Variants in LAMA2 observed in about 807,000 individuals in gnomAD.
LAMA2 encodes laminin subunit alpha-2.
Under a neutral mutation model 364.8 loss-of-function variants are expected in LAMA2, and 269 were observed. The observed-to-expected ratio is 0.74, with a 90% CI of 0.67 to 0.82. The LOEUF is 0.82. Among genes scored for constraint, LAMA2 ranks in the 40% least tolerant of loss-of-function variants. LAMA2 has a pLI of 0.00. For missense variants in LAMA2, 3,807 were observed against 3,873.2 expected (o/e 0.98, Z 0.45); for synonymous variants, 1,379 against 1,370.6 (o/e 1.01, Z -0.14).
rs367757227 is a variant in LAMA2, at chr6:128,940,518, TAGTG to T, written c.112+57164_112+57167del. Among the ~76,000 whole-genome samples the T allele has an allele frequency of 6.4e-4, 97 of 152,312 alleles. 1 individual carries two copies. The South Asian group carries it at 0.018, about 28-fold the overall frequency. On this transcript the variant is annotated intron_variant, in intron 1 of 64. Transcript: ENST00000421865. ...AATATTTGTCGGAAGGAATAAATAT[TAGTG>T]AGAGAATAAATGGGTAATGCATTCA... is the stretch of plus-strand genomic sequence containing the variant.
chr6:129,184,759 G>A (rs1295182550), intron 10 of LAMA2, among the ~76,000 whole-genome samples: 1 of 151,782 alleles, frequency 6.6e-6, no homozygotes, highest in Non-Finnish European at 1.5e-5. Flanking sequence ...CTTTACTAAG[G>A]TTGCTTTTTC....
chr6:129,445,055 C>A (rs774849619), intron 44 of LAMA2, among the ~76,000 whole-genome samples: 1 of 152,026 alleles, frequency 6.6e-6, no homozygotes, highest in Non-Finnish European at 1.5e-5. Flanking sequence ...ATAGGTCAAC[C>A]TAATATGTAA....
At chr6:129,320,501 T>C (rs377296050) in intron 27 of LAMA2, 37 bp from the exon 28 acceptor site, 7 of 1,194,698 alleles carry the variant, frequency 5.9e-6, no homozygotes, top group African/African-American at 4.5e-5. Context: ...CTTAACTGAC[T>C]GTCATAGTAA....
intron 3 of LAMA2, among the ~76,000 whole-genome samples, chr6:129,070,795 G>T (rs78640489): frequency 0.08 from 12,209 of 152,060 alleles, 678 homozygotes; most frequent in Non-Finnish European, 0.12. Flanking sequence ...GTCTAGTTTG[G>T]CAGTGTTGGT....
At chr6:129,427,276 C>A (rs747223249) in intron 40 of LAMA2, among the ~76,000 whole-genome samples, 1 of 152,076 alleles carries the variant, frequency 6.6e-6, no homozygotes, top group African/African-American at 2.4e-5. Flanking sequence ...GGAAATGCTC[C>A]CCTCTCAGTC....
intron 49 of LAMA2, among the ~76,000 whole-genome samples, chr6:129,461,144 C>T (rs531833064): frequency 3.2e-4 from 48 of 152,108 alleles, no homozygotes; most frequent in African/African-American, 1.1e-3. Context: ...AACTATAAAA[C>T]ATACTTTAAA....
At chr6:129,168,271 TTTC>T (rs1397387778) in intron 9 of LAMA2, among the ~76,000 whole-genome samples, 2 of 150,438 alleles carry the variant, frequency 1.3e-5, no homozygotes, top group Non-Finnish European at 3.0e-5. Flanking sequence ...CTGCCTAGGT[TTTC>T]TTCTAGGGTT....
chr6:129,345,223 GTGT>G lies in LAMA2; in HGVS notation c.4436+2761_4436+2763del, dbSNP rs1478131429. Reference sequence around the variant, plus strand: ...CAAGGGGAGGAATAGTTGGTTCCTGGTGTTGTTAGAGGTCAAAATTTTTCTATT... The same window carrying G: ...CAAGGGGAGGAATAGTTGGTTCCTGGTGTTAGAGGTCAAAATTTTTCTATT... On this transcript the variant is annotated intron_variant, in intron 30 of 64. Transcript: ENST00000421865. Among the ~76,000 whole-genome samples, 5 of 152,250 alleles carry G rather than the reference GTGT, an allele frequency of 3.3e-5. No individual in the cohort carries two copies. The East Asian group carries it at 5.8e-4, about 18-fold the overall frequency.
intron 10 of LAMA2, among the ~76,000 whole-genome samples, chr6:129,189,138 G>A (rs1219447787): frequency 6.6e-6 from 1 of 152,026 alleles, no homozygotes; most frequent in Non-Finnish European, 1.5e-5. Context: ...GATAGCTAGA[G>A]AGAACAATCT....
chr6:128,996,214 G>A (rs1783931320), intron 1 of LAMA2, among the ~76,000 whole-genome samples: 1 of 152,186 alleles, frequency 6.6e-6, no homozygotes. Context: ...AGAGACAGGA[G>A]AATGAGAAAG....
At chr6:128,911,584 A>G (rs1215195217) in intron 1 of LAMA2, among the ~76,000 whole-genome samples, 1 of 152,186 alleles carries the variant, frequency 6.6e-6, no homozygotes, top group Non-Finnish European at 1.5e-5. Flanking sequence ...GGAAAAGCAG[A>G]AATCACCTGT....
At chr6:128,981,532 C>T (rs1023873545) in intron 1 of LAMA2, among the ~76,000 whole-genome samples, 34 of 147,436 alleles carry the variant, frequency 2.3e-4, no homozygotes, top group African/African-American at 8.4e-4. Flanking sequence ...CACTTGAGCT[C>T]AGGAGTTCGA....
chr6:129,149,155 G>C (rs1265821950), intron 7 of LAMA2, 59 bp downstream of exon 7: 1 of 1,098,804 alleles, frequency 9.1e-7, no homozygotes, highest in Non-Finnish European at 1.4e-6. Flanking sequence ...AAAAAAGCCA[G>C]TAATGAAAAA....
chr6:129,427,021 T>C (rs920173751), intron 40 of LAMA2, among the ~76,000 whole-genome samples: 1 of 152,226 alleles, frequency 6.6e-6, no homozygotes, highest in African/African-American at 2.4e-5. Flanking sequence ...TATGTAATGA[T>C]TGCTGAGGAG....
chr6:129,385,752 T>C (rs1778981192), intron 35 of LAMA2, among the ~76,000 whole-genome samples: 1 of 152,198 alleles, frequency 6.6e-6, no homozygotes, highest in Admixed American at 6.5e-5. Context: ...AACCCATTAG[T>C]GTTTATTTCC....
intron 32 of LAMA2, among the ~76,000 whole-genome samples, chr6:129,353,889 C>T (rs957398795): frequency 1.3e-5 from 2 of 152,154 alleles, no homozygotes; most frequent in East Asian, 1.9e-4. Context: ...TTTTTACTCA[C>T]GTACAGTAAG....
intron 2 of LAMA2, among the ~76,000 whole-genome samples, chr6:129,058,872 G>A (rs1788679858): frequency 6.6e-6 from 1 of 152,190 alleles, no homozygotes; most frequent in African/African-American, 2.4e-5. Context: ...CTTCTTCACG[G>A]GGGAGGGAAG....
At chr6:129,330,925 G>C (rs1775613055) in intron 29 of LAMA2, among the ~76,000 whole-genome samples, 1 of 151,534 alleles carries the variant, frequency 6.6e-6, no homozygotes, top group Non-Finnish European at 1.5e-5. Flanking sequence ...CTGGAGTGCA[G>C]TGACGCGATC....
intron 7 of LAMA2, among the ~76,000 whole-genome samples, chr6:129,150,783 G>A (rs1778747901): frequency 6.6e-6 from 1 of 152,076 alleles, no homozygotes; most frequent in Non-Finnish European, 1.5e-5. Context: ...CACACTTTCA[G>A]CAATGAGTAC....
Sources: allele counts gnomAD v4.1 joint callset (sites outside exome capture counted in the v4.1 genomes callset), GRCh38; gene constraint gnomAD v4.1.1; transcripts MANE v1.5; gene names NCBI Gene and HGNC (gene_info 2026-07-23, HGNC 2026-07-21).